The following BICC1 variants were observed in gnomAD, a reference collection of about 807,000 sequenced individuals.
BICC1 encodes the protein BicC family RNA binding protein 1.
A neutral mutation model predicts 111.0 loss-of-function variants in BICC1; 43 were observed. The observed-to-expected ratio is 0.39, with a 90% CI of 0.30 to 0.50. The LOEUF (loss-of-function observed/expected upper bound fraction) is 0.50. Ranked by LOEUF, BICC1 falls within the 20% of genes least tolerant of loss-of-function variation. BICC1 has a pLI of 0.88. For synonymous variants in BICC1, 467 were observed against 434.4 expected, an observed-to-expected ratio of 1.07 and a Z score of -0.93; for missense variants, 1,091 against 1,203.2, an observed-to-expected ratio of 0.91 and a Z score of 1.38.
At chr10:58,611,980 CTATT>C (rs1217975163) in intron 1 of BICC1, among the ~76,000 whole-genome samples, 10 of 151,862 alleles carry the variant, frequency 6.6e-5, no homozygotes, top group Admixed American at 2.6e-4. Context: ...CTCAACAGGC[CTATT>C]TATTTAATTT....
intron 2 of BICC1, among the ~76,000 whole-genome samples, chr10:58,661,941 A>G (rs1041047298): frequency 6.6e-6 from 1 of 152,220 alleles, no homozygotes; most frequent in East Asian, 1.9e-4. Context: ...ATAGAAAACT[A>G]TACTTTTTAA....
intron 4 of BICC1, among the ~76,000 whole-genome samples, chr10:58,786,520 C>A (rs1198764348): frequency 6.6e-6 from 1 of 152,134 alleles, no homozygotes; most frequent in Non-Finnish European, 1.5e-5. Context: ...CTTAGTTATG[C>A]AGTCCCACTA....
At chr10:58,615,077 C>A (rs1369208830) in intron 1 of BICC1, among the ~76,000 whole-genome samples, 1 of 151,038 alleles carries the variant, frequency 6.6e-6, no homozygotes, top group African/African-American at 2.4e-5. Flanking sequence ...TGGCTAAGTG[C>A]CCCCCCGAGA....
intron 3 of BICC1, among the ~76,000 whole-genome samples, chr10:58,727,988 A>G (rs552669004): frequency 1.3e-5 from 2 of 152,248 alleles, no homozygotes; most frequent in African/African-American, 4.8e-5. Context: ...AAAAAATGCT[A>G]GTGATCATCT....
intron 1 of BICC1, among the ~76,000 whole-genome samples, chr10:58,559,760 C>T (rs1355484305): frequency 6.6e-6 from 1 of 152,026 alleles, no homozygotes; most frequent in African/African-American, 2.4e-5. Flanking sequence ...GAGGTACATT[C>T]CTTCTATGTG....
chr10:58,830,692 G>A lies in BICC1; in HGVS notation c.*1801G>A, dbSNP rs1844529669. On this transcript the variant is annotated 3_prime_UTR_variant, in exon 21 of 21. Transcript: ENST00000373886. The stretch of plus-strand genomic sequence containing the variant: ...AAAATTATCAATTATAACTGGCACC[G>A]AGGGACTGCCCTTTTTAAGCTAAAC... The A allele has an allele frequency of 3.3e-5, 5 of 152,268 alleles. No individual in the cohort carries two copies. In the Middle Eastern group the frequency reaches 0.01, roughly 311 times the overall value. 9.4% of individuals were successfully genotyped at this position (152,268 alleles called of 1,614,324 possible). A position where few individuals can be genotyped will look rare whatever the true frequency, so the allele number is the denominator to read the frequency against.
At chr10:58,520,247 T>A (rs1842354679) in intron 1 of BICC1, among the ~76,000 whole-genome samples, 1 of 152,212 alleles carries the variant, frequency 6.6e-6, no homozygotes, top group African/African-American at 2.4e-5. Context: ...TATGAAATAT[T>A]TAATAAACTA....
chr10:58,815,080 A>C (rs911951961), intron 18 of BICC1, among the ~76,000 whole-genome samples: 2 of 148,142 alleles, frequency 1.4e-5, no homozygotes, highest in Admixed American at 7.0e-5. Flanking sequence ...CATTGTCATC[A>C]CAAGATATGC....
chr10:58,596,346 T>C (rs920655911), intron 1 of BICC1, among the ~76,000 whole-genome samples: 1 of 152,142 alleles, frequency 6.6e-6, no homozygotes, highest in African/African-American at 2.4e-5. Flanking sequence ...GAAAAGGCCT[T>C]CAACAAATTC....
At chr10:58,566,476 A>G (rs1843768653) in intron 1 of BICC1, among the ~76,000 whole-genome samples, 1 of 152,150 alleles carries the variant, frequency 6.6e-6, no homozygotes, top group Admixed American at 6.5e-5. Flanking sequence ...ATGTGCAAGT[A>G]TCCTTTTTGT....
At chr10:58,620,978 C>A in intron 2 of BICC1, 77 bp downstream of exon 2, 1 of 1,242,250 alleles carries the variant, frequency 8.0e-7, no homozygotes, top group South Asian at 1.3e-5. Flanking sequence ...CTAGAAGCCA[C>A]CGAACGCTCC....
At chr10:58,600,682 C>T (rs1335603303) in intron 1 of BICC1, among the ~76,000 whole-genome samples, 2 of 151,990 alleles carry the variant, frequency 1.3e-5, no homozygotes, top group Non-Finnish European at 2.9e-5. Flanking sequence ...CCCCTGAGAC[C>T]TCAAGACCAA....
At chr10:58,557,002 C>T (rs994248224) in intron 1 of BICC1, among the ~76,000 whole-genome samples, 8 of 152,046 alleles carry the variant, frequency 5.3e-5, no homozygotes, top group Admixed American at 5.3e-4. Context: ...GTAAAAGGGA[C>T]TTTGCAGATG....
chr10:58,753,649 A>G (rs147434603), intron 3 of BICC1, among the ~76,000 whole-genome samples: 28 of 151,994 alleles, frequency 1.8e-4, no homozygotes, highest in Non-Finnish European at 4.1e-4. Context: ...TGCTTTCTTT[A>G]TGATGCCACT....
chr10:58,774,043 T>C (rs1391342678), intron 3 of BICC1, among the ~76,000 whole-genome samples: 1 of 152,220 alleles, frequency 6.6e-6, no homozygotes, highest in African/African-American at 2.4e-5. Flanking sequence ...GAATTCCTTG[T>C]GTAGTTAGTG....
rs1252702159 is a variant in BICC1, at chr10:58,535,996, T to C, written c.190+22663T>C. On this transcript the variant is annotated intron_variant, in intron 1 of 20. Coordinates refer to ENST00000373886, the MANE Select transcript of BICC1 (RefSeq NM_001080512.3). ...AAAAAAAGACAAGGTCATTATACAA[T>C]GATAAAAGGATCCAATTCATGAAGA... is the stretch of plus-strand genomic sequence containing the variant. 7.4e-5 allele frequency among the ~76,000 whole-genome samples: 11 copies of C among 148,358 alleles called. No homozygotes were observed. In the East Asian group the frequency reaches 2.2e-3, roughly 29 times the overall value.
chr10:58,765,487 G>A (rs749284139), intron 3 of BICC1, among the ~76,000 whole-genome samples: 1 of 151,950 alleles, frequency 6.6e-6, no homozygotes, highest in Non-Finnish European at 1.5e-5. Context: ...TTAAAGTAAC[G>A]GTGAACTCCA....
intron 1 of BICC1, among the ~76,000 whole-genome samples, chr10:58,522,739 C>G (rs1175188008): frequency 6.6e-6 from 1 of 151,908 alleles, no homozygotes; most frequent in Non-Finnish European, 1.5e-5. Context: ...CACAAAAAAC[C>G]CTTCAAAAAA....
At chr10:58,828,172 A>G (rs886800680) in intron 20 of BICC1, among the ~76,000 whole-genome samples, 1 of 152,186 alleles carries the variant, frequency 6.6e-6, no homozygotes, top group Non-Finnish European at 1.5e-5. Flanking sequence ...ACATGGGAGC[A>G]GGAGGGGTTT....
Sources: gnomAD v4.1 joint callset for allele counts (sites outside exome capture counted in the v4.1 genomes callset) on GRCh38, gnomAD v4.1.1 for gene constraint, MANE v1.5 for transcripts, NCBI Gene and HGNC (gene_info 2026-07-23, HGNC 2026-07-21) for gene names.